Variants in DMD observed in about 807,000 individuals in gnomAD.
DMD encodes the protein mutant dystrophin.
A neutral mutation model predicts 330.1 loss-of-function variants in DMD; 63 were observed. The ratio of observed to expected loss-of-function variants is 0.19; its 90% CI spans 0.16 to 0.24. DMD has a LOEUF of 0.24. DMD is among the 10% of genes least tolerant of loss of function. The probability of loss-of-function intolerance (pLI) is 1.00; values close to 1 mark genes in which losing one functional copy is unlikely to be tolerated. For missense variants in DMD, 3,344 were observed against 2,684.1 expected (o/e 1.25, Z -5.43); for synonymous variants, 1,223 against 959.8 (o/e 1.27, Z -5.07).
chrX:31,390,925 C>A (rs765167546), intron 60 of DMD, among the ~76,000 whole-genome samples: 3 of 111,500 alleles, frequency 2.7e-5, no homozygotes, highest in African/African-American at 6.5e-5. Flanking sequence ...CCACTCACCC[C>A]CTCAGTCATT....
intron 60 of DMD, among the ~76,000 whole-genome samples, chrX:31,360,809 T>G (rs925578747): frequency 8.9e-6 from 1 of 112,233 alleles, no homozygotes; most frequent in Admixed American, 9.4e-5. Context: ...TTAAAGCCCC[T>G]CTTATCATTC....
chrX:32,897,858 C>A (rs1425119401), intron 2 of DMD, among the ~76,000 whole-genome samples: 1 of 76,806 alleles, frequency 1.3e-5, no homozygotes, highest in African/African-American at 4.0e-5. Context: ...CTTTCCGCAG[C>A]AAATGGAAAC....
chrX:31,820,155 A>T (rs1361569779), intron 49 of DMD, 72 bp from the exon 50 acceptor site: 2 of 855,071 alleles, frequency 2.3e-6, no homozygotes, highest in Non-Finnish European at 1.7e-6. Context: ...ATCTTAATCC[A>T]TTTGGTGAAT....
At chrX:31,430,974 T>G (rs1342138771) in intron 60 of DMD, among the ~76,000 whole-genome samples, 2 of 107,594 alleles carry the variant, frequency 1.9e-5, no homozygotes, top group Admixed American at 2.0e-4. Context: ...GGCTAATGTT[T>G]TGTATTTCAG....
intron 77 of DMD, among the ~76,000 whole-genome samples, chrX:31,133,066 C>T (rs1392820793): frequency 8.9e-6 from 1 of 111,806 alleles, no homozygotes; most frequent in African/African-American, 3.3e-5. Context: ...CATCAAATAG[C>T]TAGGAAATGG....
intron 7 of DMD, among the ~76,000 whole-genome samples, chrX:32,706,626 G>C (rs925692373): frequency 4.5e-5 from 5 of 111,476 alleles, no homozygotes; most frequent in African/African-American, 1.6e-4. Flanking sequence ...CATAATGCTT[G>C]CCTAGAGCAT....
At chrX:32,885,259 T>C (rs1327307298) in intron 2 of DMD, among the ~76,000 whole-genome samples, 2 of 111,368 alleles carry the variant, frequency 1.8e-5, no homozygotes, top group South Asian at 3.8e-4. Context: ...TTAGAGATAT[T>C]GTACCCCTGT....
At chrX:31,494,290 G>C (rs1342435647) in intron 57 of DMD, among the ~76,000 whole-genome samples, 1 of 110,960 alleles carries the variant, frequency 9.0e-6, no homozygotes, top group Non-Finnish European at 1.9e-5. Context: ...TTAGAGTCTC[G>C]GAATATTTAG....
intron 6 of DMD, among the ~76,000 whole-genome samples, chrX:32,811,744 G>A (rs757378108): frequency 8.9e-6 from 1 of 112,112 alleles, no homozygotes; most frequent in Non-Finnish European, 1.9e-5. Context: ...AACTCTAAAT[G>A]TGAAAAAACA....
chrX:32,408,865 CATCTATCTATCTATCTATCT>C (rs10559613), intron 30 of DMD, among the ~76,000 whole-genome samples: 3 of 96,911 alleles, frequency 3.1e-5, no homozygotes, highest in East Asian at 6.6e-4. Flanking sequence ...TTCTTTCTTT[CATCTATCTATCTATCTATCT>C]ATCTATCTAT....
chrX:32,241,622 A>G (rs773012386), intron 43 of DMD, among the ~76,000 whole-genome samples: 5 of 112,411 alleles, frequency 4.4e-5, no homozygotes, highest in African/African-American at 1.3e-4. Flanking sequence ...TTCAGTGTCA[A>G]GTCTGTCAGG....
intron 65 of DMD, among the ~76,000 whole-genome samples, chrX:31,207,345 A>G (rs2044176313): frequency 9.3e-6 from 1 of 107,133 alleles, no homozygotes; most frequent in Non-Finnish European, 1.9e-5. Flanking sequence ...AGCATTTTCT[A>G]TATTTGCATA....
chrX:31,523,081 C>CT (rs749844394), intron 55 of DMD, among the ~76,000 whole-genome samples: 1 of 111,150 alleles, frequency 9.0e-6, no homozygotes, highest in South Asian at 3.9e-4. Context: ...GGGCTCCACT[C>CT]TGAGAGATCA....
chrX:32,043,255 A>G (rs1307179874), intron 44 of DMD, among the ~76,000 whole-genome samples: 6 of 112,475 alleles, frequency 5.3e-5, no homozygotes, highest in Non-Finnish European at 7.5e-5. Context: ...GACAGGTAAT[A>G]TACGTCTTAG....
At chrX:31,905,951 T>C (rs1462479726) in intron 47 of DMD, among the ~76,000 whole-genome samples, 1 of 112,169 alleles carries the variant, frequency 8.9e-6, no homozygotes, top group East Asian at 2.8e-4. Context: ...TTAGCTTCTT[T>C]TGTTTTTCAG....
At chrX:33,008,177 C>T (rs1297259423) in intron 2 of DMD, among the ~76,000 whole-genome samples, 1 of 111,584 alleles carries the variant, frequency 9.0e-6, no homozygotes, top group Non-Finnish European at 1.9e-5. Context: ...GCATATAGAA[C>T]TGGCATAGTG....
chrX:32,434,932 G>A (rs1408807337), intron 29 of DMD, among the ~76,000 whole-genome samples: 1 of 110,564 alleles, frequency 9.0e-6, no homozygotes, highest in African/African-American at 3.3e-5. Flanking sequence ...TATTTTCATT[G>A]TCAAATAACT....
intron 51 of DMD, among the ~76,000 whole-genome samples, chrX:31,764,900 G>T (rs1001636470): frequency 5.4e-5 from 6 of 111,669 alleles, no homozygotes; most frequent in Non-Finnish European, 5.7e-5. Flanking sequence ...ATAAAGGTAA[G>T]GGAACTGAAA....
chrX:31,640,465 T>G (rs1299797154), intron 54 of DMD, among the ~76,000 whole-genome samples: 1 of 112,482 alleles, frequency 8.9e-6, no homozygotes, highest in African/African-American at 3.2e-5. Context: ...GCGCAAAGTT[T>G]AAGATAACTA....
Sources: allele counts gnomAD v4.1 joint callset (sites outside exome capture counted in the v4.1 genomes callset), GRCh38; gene constraint gnomAD v4.1.1; transcripts MANE v1.5; gene names NCBI Gene and HGNC (gene_info 2026-07-23, HGNC 2026-07-21).